Variants in MAD1L1 observed in about 807,000 individuals in gnomAD.
MAD1L1 encodes the protein mitotic arrest deficient 1 like 1, also known as mitotic spindle assembly checkpoint protein MAD1.
Under a neutral mutation model 96.9 loss-of-function variants are expected in MAD1L1, and 95 were observed. That is an observed-to-expected ratio of 0.98 (90% CI 0.83 to 1.16). The LOEUF (loss-of-function observed/expected upper bound fraction) is 1.16. Among genes scored for constraint, MAD1L1 ranks in the 50% most tolerant of loss-of-function variants. The pLI is 0.00. For missense variants in MAD1L1, 1,007 were observed against 954.4 expected (o/e 1.06, Z -0.73); for synonymous variants, 473 against 396.6 (o/e 1.19, Z -2.29).
intron 16 of MAD1L1, among the ~76,000 whole-genome samples, chr7:1,950,706 C>T (rs910645802): frequency 1.3e-5 from 2 of 152,240 alleles, no homozygotes; most frequent in Non-Finnish European, 2.9e-5. Flanking sequence ...CCTCTGTGAG[C>T]AGCTGCAGGC....
At chr7:2,150,719 C>A (rs1789530809) in intron 10 of MAD1L1, among the ~76,000 whole-genome samples, 1 of 152,252 alleles carries the variant, frequency 6.6e-6, no homozygotes, top group African/African-American at 2.4e-5. Context: ...CGGCCTGGCC[C>A]AGGCCCTGAG....
At chr7:2,207,789 T>C (rs1792678368) in intron 10 of MAD1L1, among the ~76,000 whole-genome samples, 1 of 152,164 alleles carries the variant, frequency 6.6e-6, no homozygotes. Flanking sequence ...GTACAGCTGA[T>C]GTCAGTGAAA....
intron 18 of MAD1L1, among the ~76,000 whole-genome samples, chr7:1,833,691 A>C (rs1370857071): frequency 6.6e-6 from 1 of 152,372 alleles, no homozygotes; most frequent in Non-Finnish European, 1.5e-5. Context: ...CTGTAATCCC[A>C]GCACTTTGGG....
At chr7:1,822,050 C>T (rs747427150) in intron 18 of MAD1L1, among the ~76,000 whole-genome samples, 4 of 152,082 alleles carry the variant, frequency 2.6e-5, no homozygotes, top group Admixed American at 6.6e-5. Context: ...CCTAGAATGA[C>T]GTGACGGCCC....
At chr7:1,879,940 C>T (rs1450712257) in intron 18 of MAD1L1, among the ~76,000 whole-genome samples, 3 of 152,156 alleles carry the variant, frequency 2.0e-5, no homozygotes, top group African/African-American at 7.2e-5. Context: ...CTCTGTTAGC[C>T]AGGATGGTCT....
intron 14 of MAD1L1, among the ~76,000 whole-genome samples, chr7:1,994,657 G>T (rs1030888619): frequency 4.0e-5 from 6 of 151,764 alleles, no homozygotes; most frequent in Admixed American, 1.3e-4. Context: ...CGGAGCCTCG[G>T]GGGGGGGATT....
chr7:1,988,133 C>T (rs568781476), intron 14 of MAD1L1, among the ~76,000 whole-genome samples: 1 of 152,212 alleles, frequency 6.6e-6, no homozygotes, highest in African/African-American at 2.4e-5. Context: ...GAGCAGCGTG[C>T]GGAAGCACGG....
chr7:2,107,122 G>A (rs566173194), intron 11 of MAD1L1, among the ~76,000 whole-genome samples: 165 of 152,356 alleles, frequency 1.1e-3, no homozygotes, highest in Non-Finnish European at 1.9e-3. Context: ...CAGCGCACCG[G>A]GAGGCGTGGA....
At chr7:1,921,594 C>G (rs1031668723) in intron 17 of MAD1L1, among the ~76,000 whole-genome samples, 12 of 152,156 alleles carry the variant, frequency 7.9e-5, no homozygotes, top group African/African-American at 2.7e-4. Flanking sequence ...GCTGGGATTA[C>G]AGGCATGAGC....
intron 11 of MAD1L1, among the ~76,000 whole-genome samples, chr7:2,133,443 A>G (rs1330005346): frequency 6.6e-6 from 1 of 152,272 alleles, no homozygotes; most frequent in Non-Finnish European, 1.5e-5. Flanking sequence ...AATTTGGATA[A>G]CAGCCCTTAT....
At chr7:2,003,429 C>G (rs998790754) in intron 13 of MAD1L1, among the ~76,000 whole-genome samples, 4 of 152,144 alleles carry the variant, frequency 2.6e-5, no homozygotes, top group Non-Finnish European at 5.9e-5. Flanking sequence ...CAGTCCTCAA[C>G]CTGTCCGCTC....
At chr7:2,039,943 C>A (rs896342580) in intron 12 of MAD1L1, among the ~76,000 whole-genome samples, 7 of 152,072 alleles carry the variant, frequency 4.6e-5, no homozygotes, top group African/African-American at 1.4e-4. Context: ...AAATAAAGAA[C>A]ACAAAAACAA....
At chr7:1,893,738 T>G (rs1187555728) in intron 18 of MAD1L1, among the ~76,000 whole-genome samples, 3 of 152,184 alleles carry the variant, frequency 2.0e-5, no homozygotes, top group African/African-American at 7.2e-5. Context: ...ACATTCCTCA[T>G]GACAGATGGG....
At chr7:1,910,695 G>A (rs532347838) in intron 17 of MAD1L1, among the ~76,000 whole-genome samples, 80 of 152,358 alleles carry the variant, frequency 5.3e-4, no homozygotes, top group Middle Eastern at 3.4e-3. Context: ...CTTCCACCTG[G>A]AACACGTTCG....
intron 18 of MAD1L1, among the ~76,000 whole-genome samples, chr7:1,862,484 C>T (rs1026847788): frequency 1.3e-5 from 2 of 152,226 alleles, no homozygotes; most frequent in East Asian, 1.9e-4. Flanking sequence ...GCAGCAGGGC[C>T]GACCTGGATC....
At chr7:2,116,664 C>T (rs1787720008) in intron 11 of MAD1L1, among the ~76,000 whole-genome samples, 1 of 151,140 alleles carries the variant, frequency 6.6e-6, no homozygotes, top group South Asian at 2.1e-4. Context: ...TTGCAGGGGG[C>T]CCAGGTCCAT....
chr7:2,080,463 A>G (rs891701630), intron 11 of MAD1L1, among the ~76,000 whole-genome samples: 4 of 152,174 alleles, frequency 2.6e-5, no homozygotes, highest in Admixed American at 2.6e-4. Flanking sequence ...CGCCTCGGCC[A>G]CTGCAGATGC....
intron 10 of MAD1L1, among the ~76,000 whole-genome samples, chr7:2,155,389 T>C (rs768316341): frequency 2.6e-5 from 4 of 152,240 alleles, no homozygotes; most frequent in Non-Finnish European, 5.9e-5. Context: ...ATTCATGTTA[T>C]TGGGCAACCA....
At chr7:1,869,041 G>C (rs1029971661) in intron 18 of MAD1L1, among the ~76,000 whole-genome samples, 1 of 152,186 alleles carries the variant, frequency 6.6e-6, no homozygotes, top group African/African-American at 2.4e-5. Flanking sequence ...GCTGGGGTGG[G>C]GCCCGAATGG....
Sources: gnomAD v4.1 joint callset for allele counts (sites outside exome capture counted in the v4.1 genomes callset) on GRCh38, gnomAD v4.1.1 for gene constraint, MANE v1.5 for transcripts, NCBI Gene and HGNC (gene_info 2026-07-23, HGNC 2026-07-21) for gene names.